The following KLRG1 variants were observed in gnomAD, a reference collection of about 807,000 sequenced individuals.
KLRG1 encodes killer cell lectin-like receptor subfamily G member 1.
Under a neutral mutation model 21.8 loss-of-function variants are expected in KLRG1, and 16 were observed. That is an observed-to-expected ratio of 0.73 (90% CI 0.50 to 1.11). The LOEUF is 1.11. Ranked by LOEUF, KLRG1 falls within the 50% of genes most tolerant of loss-of-function variation. The pLI is 0.00. For synonymous variants in KLRG1, 69 were observed against 75.9 expected (o/e 0.91, Z 0.47); for missense variants, 173 against 218.3 (o/e 0.79, Z 1.31).
At chr12:9,100,304 C>A in the KLRG1 span, among the ~76,000 whole-genome samples, 1 of 152,128 alleles carries the variant, frequency 6.6e-6, no homozygotes, top group African/African-American at 2.4e-5. Flanking sequence ...TTTTCTCCAC[C>A]CCATTCTCTA....
At chr12:9,023,472 A>G in the KLRG1 span, among the ~76,000 whole-genome samples, 1 of 152,214 alleles carries the variant, frequency 6.6e-6, no homozygotes, top group Non-Finnish European at 1.5e-5. Flanking sequence ...GTCCAAGGCC[A>G]CAAAGGTTGC....
the KLRG1 span, chr12:9,202,787 G>A: frequency 9.1e-7 from 1 of 1,102,264 alleles, no homozygotes. Flanking sequence ...CTTCACCAAG[G>A]AGAAGGAAGG....
At chr12:9,137,509 G>A in the KLRG1 span, among the ~76,000 whole-genome samples, 51,174 of 151,780 alleles carry the variant, frequency 0.34, 10,243 homozygotes, top group Non-Finnish European at 0.44. Context: ...GTTATTTGTG[G>A]TGTTTTCTCA....
At chr12:9,214,462 C>T in the KLRG1 span, among the ~76,000 whole-genome samples, 10 of 152,094 alleles carry the variant, frequency 6.6e-5, no homozygotes, top group Non-Finnish European at 1.2e-4. Flanking sequence ...TCTTCCAACT[C>T]GTGAGCATGG....
chr12:9,157,229 G>C, the KLRG1 span: 2 of 1,614,050 alleles, frequency 1.2e-6, no homozygotes, highest in South Asian at 2.2e-5. Flanking sequence ...TTCTGATTTT[G>C]CTTTCCCAGT....
At chr12:9,131,451 T>C in the KLRG1 span, among the ~76,000 whole-genome samples, 4 of 152,166 alleles carry the variant, frequency 2.6e-5, no homozygotes, top group South Asian at 4.1e-4. Flanking sequence ...TTATAATCAA[T>C]CCCATAGTGA....
At chr12:9,113,244 T>G in the KLRG1 span, 1 of 1,052,278 alleles carries the variant, frequency 9.5e-7, no homozygotes, top group South Asian at 1.8e-5. Context: ...TTTGCTACAT[T>G]TGGATTCCTT....
the KLRG1 span, chr12:9,152,092 C>T: frequency 1.3e-6 from 1 of 741,960 alleles, no homozygotes; most frequent in Non-Finnish European, 2.3e-6. Context: ...CATTTACTTC[C>T]TGGGTTTGGG....
the KLRG1 span, among the ~76,000 whole-genome samples, chr12:9,186,176 G>A: frequency 1.3e-5 from 2 of 152,100 alleles, no homozygotes; most frequent in African/African-American, 4.8e-5. Context: ...ATAAGTGAAG[G>A]AGAAATAAGA....
In KLRG1 at chr12:8,992,302, T is replaced by G; in HGVS notation, c.179T>G (p.Leu60Arg). Residue 60 changes from leucine to arginine, a missense_variant, in exon 2 of 5, where the codon CTG becomes CGG. Physicochemically the swap from Leu to Arg is moderately radical, Grantham distance 102. Transcript: ENST00000356986. ...AGTGTGCTGCTATACCAGTGGATCCTGTGCCAGGGTAAGTGCAAACTTAAA... is the reference window on the plus strand; with the variant it reads ...AGTGTGCTGCTATACCAGTGGATCCGGTGCCAGGGTAAGTGCAAACTTAAA... ...LLSVLLYQWILCQGSNYSTCA... is the reference protein window; with the variant it reads ...LLSVLLYQWIRCQGSNYSTCA... 1 of 1,608,268 alleles carries G rather than the reference T, an allele frequency of 6.2e-7. No individual in the cohort carries two copies. The highest frequency in any genetic ancestry group is 8.5e-7 in the Non-Finnish European group (1 of 1,176,844).
the KLRG1 span, among the ~76,000 whole-genome samples, chr12:9,047,222 A>G: frequency 6.6e-6 from 1 of 152,256 alleles, no homozygotes; most frequent in Non-Finnish European, 1.5e-5. Flanking sequence ...ACAAAATATT[A>G]TTAGTAGCAA....
chr12:9,098,437 T>C, the KLRG1 span: 3 of 418,472 alleles, frequency 7.2e-6, no homozygotes, highest in African/African-American at 4.2e-5. Flanking sequence ...TAGTTATATA[T>C]ATATATATAT....
the KLRG1 span, among the ~76,000 whole-genome samples, chr12:9,129,366 A>G: frequency 6.6e-6 from 1 of 152,128 alleles, no homozygotes; most frequent in African/African-American, 2.4e-5. Flanking sequence ...GATAGAGAAG[A>G]AAGTACCTTG....
the KLRG1 span, among the ~76,000 whole-genome samples, chr12:9,125,395 G>C: frequency 2.6e-5 from 4 of 152,108 alleles, no homozygotes; most frequent in African/African-American, 9.7e-5. Flanking sequence ...GTCGCCAGCC[G>C]CAGAAGTTTC....
intron 1 of KLRG1, among the ~76,000 whole-genome samples, chr12:8,964,102 C>T (rs1183051588): frequency 6.6e-6 from 1 of 152,002 alleles, no homozygotes; most frequent in African/African-American, 2.4e-5. Flanking sequence ...TGCTCTTGCT[C>T]TTCTAGTTCT....
chr12:9,077,541 T>A, the KLRG1 span: 1 of 1,453,098 alleles, frequency 6.9e-7, no homozygotes, highest in Non-Finnish European at 9.4e-7. Context: ...TAGGGCAAAG[T>A]ATCACAATCA....
the KLRG1 span, among the ~76,000 whole-genome samples, chr12:9,029,453 T>C: frequency 6.6e-6 from 1 of 152,200 alleles, no homozygotes. Context: ...TAACCTCAAA[T>C]GATCCATCTG....
At chr12:9,043,250 A>G in the KLRG1 span, among the ~76,000 whole-genome samples, 15 of 151,648 alleles carry the variant, frequency 9.9e-5, no homozygotes, top group East Asian at 2.9e-3. Context: ...TAATTTTTGT[A>G]TTTTTTTAGT....
chr12:9,090,365 T>C, the KLRG1 span: 1 of 1,613,994 alleles, frequency 6.2e-7, no homozygotes, highest in Non-Finnish European at 8.5e-7. Flanking sequence ...CCTAATGACT[T>C]TGGGGTTACT....
Sources: gnomAD v4.1 joint callset for allele counts (sites outside exome capture counted in the v4.1 genomes callset) on GRCh38, gnomAD v4.1.1 for gene constraint, MANE v1.5 for transcripts, NCBI Gene and HGNC (gene_info 2026-07-23, HGNC 2026-07-21) for gene names.